SLC30A10: variants seen among roughly 807,000 people sequenced by gnomAD.
The protein encoded by SLC30A10 is calcium/manganese antiporter SLC30A10.
SLC30A10 carries 8 observed loss-of-function variants against 21.7 expected under a neutral mutation model. The ratio of observed to expected loss-of-function variants is 0.37; its 90% CI spans 0.22 to 0.67. The LOEUF (loss-of-function observed/expected upper bound fraction) is 0.67. SLC30A10 is among the 30% of genes least tolerant of loss of function. The pLI, the probability that SLC30A10 is intolerant of heterozygous loss-of-function variation, is 0.58. For missense variants in SLC30A10, 521 were observed against 642.5 expected (o/e 0.81, Z 2.04); for synonymous variants, 272 against 279.4 (o/e 0.97, Z 0.26).
At chr1:219,921,907 AAGAG>A (rs1218617156) in intron 2 of SLC30A10, among the ~76,000 whole-genome samples, 4 of 65,984 alleles carry the variant, frequency 6.1e-5, no homozygotes, top group African/African-American at 3.1e-4. Context: ...GTGTGTGTGA[AAGAG>A]AGAGAGAGAC....
intron 2 of SLC30A10, among the ~76,000 whole-genome samples, chr1:219,924,784 C>T (rs1297846255): frequency 6.6e-6 from 1 of 152,216 alleles, no homozygotes; most frequent in Non-Finnish European, 1.5e-5. Context: ...AGTTTTCCTA[C>T]TATAAGCCTA....
In SLC30A10 at chr1:219,914,116, T is replaced by G. The variant is rs1237820281; in HGVS notation, c.*1333A>C. 6.6e-6 allele frequency: 1 copy of G among 152,200 alleles called. No homozygotes were observed. The highest frequency in any genetic ancestry group is 1.5e-5 in the Non-Finnish European group (1 of 68,048). 9.4% of individuals were successfully genotyped at this position (152,200 alleles called of 1,614,324 possible). ...TTTACACACTAAGAGATGGTTATTT[T>G]CAGACAATCTTGCAGTCTACCAGAG... On this transcript the variant is annotated 3_prime_UTR_variant, in exon 4 of 4. Transcript: ENST00000366926.
chr1:219,945,209 G>T (rs763076532), intron 1 of SLC30A10, among the ~76,000 whole-genome samples: 12 of 152,132 alleles, frequency 7.9e-5, no homozygotes, highest in Non-Finnish European at 1.6e-4. Flanking sequence ...CTACTAAAGG[G>T]TACCATGAGG....
chr1:219,911,149 G>GTTTTTTTTTT lies in SLC30A10; in HGVS notation c.*4290_*4299dup. On this transcript the variant is annotated 3_prime_UTR_variant, in exon 4 of 4. Coordinates refer to ENST00000366926, the MANE Select transcript of SLC30A10 (RefSeq NM_018713.3). ...ATGTTTCTTCATTTTTTCTACATCAGTTTTTTTTTTTTTTTTTTTTTTTTT... is the reference window on the plus strand; with the variant it reads ...ATGTTTCTTCATTTTTTCTACATCAGTTTTTTTTTTTTTTTTTTTTTTTTTTTTTTTTTTT... Among the ~76,000 whole-genome samples, 198 of 49,374 alleles carry GTTTTTTTTTT rather than the reference G, an allele frequency of 4.0e-3. 14 individuals are homozygous for GTTTTTTTTTT. Among genetic ancestry groups the GTTTTTTTTTT allele is most frequent in the African/African-American group, 5.2e-3 (90 of 17,144 alleles). The allele number at this position is 49,374 out of a possible 152,430, so 32.4% of individuals were successfully genotyped here. A position where few individuals can be genotyped will look rare whatever the true frequency, so the allele number is the denominator to read the frequency against.
intron 1 of SLC30A10, among the ~76,000 whole-genome samples, chr1:219,927,598 G>T (rs1448545643): frequency 1.7e-5 from 2 of 118,044 alleles, no homozygotes; most frequent in South Asian, 6.2e-4. Flanking sequence ...TAAATTGGCA[G>T]AAGAGAAGTA....
At position 219,915,783 on chromosome 1, in the gene SLC30A10, A is replaced by T; in HGVS notation, c.1124T>A (p.Ile375Asn). The change falls in exon 4 of 4, where the codon ATC (isoleucine) becomes AAC (asparagine). Residue 375 changes from isoleucine to asparagine, a missense_variant. Transcript: ENST00000366926. Reference protein sequence around the residue: ...KIREIFHHAGIHNVTIQFENV... With the variant: ...KIREIFHHAGNHNVTIQFENV... ...TTCAAACTGGATGGTCACATTGTGG[A>T]TTCCCGCATGGTGGAAGATTTCTCG... The T allele has an allele frequency of 6.2e-7, 1 of 1,614,210 alleles. No homozygotes were observed. The highest frequency in any genetic ancestry group is 1.1e-5 in the South Asian group (1 of 91,086).
chr1:219,928,804 C>T (rs1659914941), upstream of SLC30A10, among the ~76,000 whole-genome samples: 1 of 152,284 alleles, frequency 6.6e-6, no homozygotes, highest in East Asian at 1.9e-4. This position sits in a 1 kb window ranked among gnomAD's most constrained non-coding sequence, Gnocchi z 6.3. Flanking sequence ...CGTGTCTGGA[C>T]GTCAATCTTC....
intron 1 of SLC30A10, among the ~76,000 whole-genome samples, chr1:219,934,391 A>G (rs935680288): frequency 2.6e-5 from 4 of 152,060 alleles, no homozygotes; most frequent in Non-Finnish European, 4.4e-5. Context: ...TGAACCTGGG[A>G]GGCGGAGGTT....
chr1:219,922,510 T>C (rs1558252280), intron 2 of SLC30A10, among the ~76,000 whole-genome samples: 1 of 151,908 alleles, frequency 6.6e-6, no homozygotes, highest in East Asian at 1.9e-4. Flanking sequence ...CGTGGGAAAC[T>C]GAAGATGGAG....
chr1:219,921,695 T>C (rs1459766815), intron 2 of SLC30A10, among the ~76,000 whole-genome samples: 1 of 152,084 alleles, frequency 6.6e-6, no homozygotes, highest in Non-Finnish European at 1.5e-5. Flanking sequence ...ACTAAACTAA[T>C]TCTAGGGCCC....
intron 1 of SLC30A10, among the ~76,000 whole-genome samples, chr1:219,949,277 A>G (rs1328183168): frequency 1.3e-5 from 2 of 151,894 alleles, no homozygotes; most frequent in African/African-American, 4.8e-5. Context: ...AAAGGACTAT[A>G]AATCATGCTG....
chr1:219,930,483 C>A (rs1659952101), upstream of SLC30A10, among the ~76,000 whole-genome samples: 1 of 152,096 alleles, frequency 6.6e-6, no homozygotes, highest in East Asian at 1.9e-4. Context: ...AACCCCACCT[C>A]CCCCCAACCA....
At chr1:219,927,638 TAAAAAAAAAAAAAAAA>T (rs77015523) in intron 1 of SLC30A10, among the ~76,000 whole-genome samples, 147 bp downstream of exon 1, 33 of 53,410 alleles carry the variant, frequency 6.2e-4, no homozygotes, top group African/African-American at 1.7e-3. Flanking sequence ...ATGGATTTAT[TAAAAAAAAAAAAAAAA>T]AAAAAAAAAA....
In SLC30A10 at chr1:219,911,149, G is replaced by GTTTTTTTTTTTGT. The variant is rs1659402075; in HGVS notation, c.*4299_*4300insACAAAAAAAAAAA. ...ATGTTTCTTCATTTTTTCTACATCAGTTTTTTTTTTTTTTTTTTTTTTTTT... is the reference window on the plus strand; with the variant it reads ...ATGTTTCTTCATTTTTTCTACATCAGTTTTTTTTTTTGTTTTTTTTTTTTTTTTTTTTTTTTTT... On this transcript the variant is annotated 3_prime_UTR_variant, in exon 4 of 4. Transcript: ENST00000366926. Among the ~76,000 whole-genome samples the GTTTTTTTTTTTGT allele has an allele frequency of 2.0e-5, 1 of 49,400 alleles. No homozygotes were observed. Among genetic ancestry groups the GTTTTTTTTTTTGT allele is most frequent in the Non-Finnish European group, 4.5e-5 (1 of 22,434 alleles). 32.4% of individuals were successfully genotyped at this position (49,400 alleles called of 152,430 possible). A position where few individuals can be genotyped will look rare whatever the true frequency, so the allele number is the denominator to read the frequency against.
Position 219,915,459 on chromosome 1 carries a change from G to A in SLC30A10, c.1448C>T (p.Thr483Met), listed in dbSNP as rs138457091. ...TATGTGAGTACCAGATTAAAAATGC[G>A]TTCTGTTGACATAACATTGGTCCTC... ...TQEDQCYVNR[T>M]HF Residue 483 changes from threonine (T) to methionine (M), a missense_variant, in exon 4 of 4, where the codon ACG becomes ATG. Physicochemically the swap from Thr to Met is moderately conservative, Grantham distance 81. Transcript: ENST00000366926. 5.1e-5 allele frequency: 82 copies of A among 1,613,560 alleles called. No individual in the cohort carries two copies. The African/African-American group carries it at 8.8e-4, about 17-fold the overall frequency.
At position 219,912,572 on chromosome 1, in the gene SLC30A10, C is replaced by T. The variant is rs1201956709; in HGVS notation, c.*2877G>A. Among the ~76,000 whole-genome samples the T allele has an allele frequency of 2.0e-5, 3 of 152,284 alleles. No homozygotes were observed. The highest frequency in any genetic ancestry group is 1.9e-4 in the East Asian group (1 of 5,174). On this transcript the variant is annotated 3_prime_UTR_variant, in exon 4 of 4. Coordinates refer to ENST00000366926, the MANE Select transcript of SLC30A10 (RefSeq NM_018713.3). ...AGTTCTGGCCGGGCGCAGTGGCTTA[C>T]GCCTGTAATCCCAGCACTTTGGGAG...
intron 2 of SLC30A10, among the ~76,000 whole-genome samples, chr1:219,922,177 T>TGTGTGTGTG (rs1194378922): frequency 0.017 from 508 of 29,346 alleles, 16 homozygotes; most frequent in Non-Finnish European, 0.022. Flanking sequence ...TGTGTGTGTG[T>TGTGTGTGTG]TTTTTTTTTT....
chr1:219,915,293 G>T lies in SLC30A10; in HGVS notation c.*156C>A. Reference sequence around the variant, plus strand: ...TAGTTACATAAAAATTCACAGACACGTTTAACTAAAATCCCAAACAGCCAA... The same window carrying T: ...TAGTTACATAAAAATTCACAGACACTTTTAACTAAAATCCCAAACAGCCAA... On this transcript the variant is annotated 3_prime_UTR_variant, in exon 4 of 4. Coordinates refer to ENST00000366926, the MANE Select transcript of SLC30A10 (RefSeq NM_018713.3). 1.2e-6 allele frequency: 1 copy of T among 864,292 alleles called. No homozygotes were observed. The highest frequency in any genetic ancestry group is 1.8e-6 in the Non-Finnish European group (1 of 547,236). 53.5% of individuals were successfully genotyped at this position (864,292 alleles called of 1,614,324 possible).
chr1:219,941,158 G>A (rs1660115407), intron 1 of SLC30A10, among the ~76,000 whole-genome samples: 1 of 152,188 alleles, frequency 6.6e-6, no homozygotes, highest in Non-Finnish European at 1.5e-5. Flanking sequence ...CGAGAAGCAC[G>A]TTCCAAACTT....
Sources: gnomAD v4.1 joint callset for allele counts (sites outside exome capture counted in the v4.1 genomes callset) on GRCh38, gnomAD v4.1.1 for gene constraint, Gnocchi (gnomAD v3.1) non-coding constraint, MANE v1.5 for transcripts, NCBI Gene and HGNC (gene_info 2026-07-23, HGNC 2026-07-21) for gene names.